LIN28B: variants seen among roughly 807,000 people sequenced by gnomAD.
LIN28B encodes protein lin-28 homolog B.
A neutral mutation model predicts 21.9 loss-of-function variants in LIN28B; 5 were observed. That is an observed-to-expected ratio of 0.23 (90% confidence interval 0.12 to 0.48). The LOEUF (loss-of-function observed/expected upper bound fraction) is 0.48, where lower values mean the gene tolerates loss of function less well. Among genes scored for constraint, LIN28B ranks in the 20% least tolerant of loss-of-function variants. The pLI is 0.98. For synonymous variants in LIN28B, 109 were observed against 111.3 expected (o/e 0.98, Z 0.13); for missense variants, 245 against 310.5 (o/e 0.79, Z 1.58).
intron 3 of LIN28B, among the ~76,000 whole-genome samples, chr6:105,049,199 G>C (rs756390622): frequency 1.3e-5 from 2 of 152,096 alleles, no homozygotes; most frequent in African/African-American, 4.8e-5. Flanking sequence ...TTGGTTTGTC[G>C]TGTCTTTGTT....
chr6:104,974,803 A>G (rs527520987), intron 2 of LIN28B, among the ~76,000 whole-genome samples: 1 of 151,356 alleles, frequency 6.6e-6, no homozygotes, highest in Non-Finnish European at 1.5e-5. Context: ...AATCAAGGAT[A>G]TTTTGAATTA....
At chr6:104,983,824 C>T (rs1409291098) in intron 2 of LIN28B, among the ~76,000 whole-genome samples, 1 of 152,184 alleles carries the variant, frequency 6.6e-6, no homozygotes, top group Non-Finnish European at 1.5e-5. Context: ...GATCCACTCA[C>T]CTCAGCCTCC....
intron 3 of LIN28B, among the ~76,000 whole-genome samples, chr6:105,044,519 C>T (rs1771702039): frequency 6.6e-6 from 1 of 151,968 alleles, no homozygotes; most frequent in Non-Finnish European, 1.5e-5. Flanking sequence ...ATTTGTGGTA[C>T]AGGAATCTCA....
intron 2 of LIN28B, among the ~76,000 whole-genome samples, chr6:104,975,844 T>C (rs1170649336): frequency 1.9e-4 from 28 of 149,498 alleles, no homozygotes; most frequent in East Asian, 5.9e-4. Context: ...TCTTCTTCTT[T>C]TTTTTTTTTT....
intron 3 of LIN28B, among the ~76,000 whole-genome samples, chr6:105,066,685 G>T (rs1772226352): frequency 1.3e-5 from 2 of 151,854 alleles, no homozygotes; most frequent in Admixed American, 6.6e-5. Context: ...TTTATATATT[G>T]TTTGGACATT....
At chr6:105,063,655 AGGT>A (rs2114405063) in intron 3 of LIN28B, among the ~76,000 whole-genome samples, 2 of 144,992 alleles carry the variant, frequency 1.4e-5, no homozygotes, top group African/African-American at 5.4e-5. Flanking sequence ...GGGGAAAAAA[AGGT>A]AAAGTAAAGG....
At chr6:105,016,817 G>A (rs926519125) in intron 2 of LIN28B, among the ~76,000 whole-genome samples, 3 of 152,046 alleles carry the variant, frequency 2.0e-5, no homozygotes, top group Non-Finnish European at 2.9e-5. Context: ...AGCCCTTCGC[G>A]AGGCTGAGTT....
chr6:104,974,423 A>T (rs1770043224), intron 2 of LIN28B, among the ~76,000 whole-genome samples: 1 of 149,048 alleles, frequency 6.7e-6, no homozygotes, highest in African/African-American at 2.5e-5. Flanking sequence ...TGGGAGGCGG[A>T]GGTTGCAGTG....
At chr6:105,019,316 A>G (rs1297424686) in intron 2 of LIN28B, among the ~76,000 whole-genome samples, 1 of 152,206 alleles carries the variant, frequency 6.6e-6, no homozygotes, top group Middle Eastern at 3.2e-3. Flanking sequence ...AATGAGGGAT[A>G]GGAATGATTT....
chr6:104,980,721 G>C (rs557411483), intron 2 of LIN28B, among the ~76,000 whole-genome samples: 1 of 151,906 alleles, frequency 6.6e-6, no homozygotes, highest in African/African-American at 2.4e-5. Flanking sequence ...CATATTTATT[G>C]GTGGTCACTC....
chr6:105,025,523 A>G (rs1043013001), intron 2 of LIN28B, among the ~76,000 whole-genome samples: 1 of 152,196 alleles, frequency 6.6e-6, no homozygotes, highest in African/African-American at 2.4e-5. Flanking sequence ...GCAGTAATGT[A>G]TATACCAGAA....
intron 2 of LIN28B, among the ~76,000 whole-genome samples, chr6:104,960,465 G>A (rs938310576): frequency 5.3e-5 from 8 of 152,010 alleles, no homozygotes; most frequent in East Asian, 1.9e-4. Context: ...CAGGTTTTAT[G>A]TCTATGTACT....
At chr6:105,075,312 T>G (rs191370613) in intron 3 of LIN28B, among the ~76,000 whole-genome samples, 102 of 152,264 alleles carry the variant, frequency 6.7e-4, no homozygotes, top group Non-Finnish European at 2.6e-4. Flanking sequence ...GGGACTAAAA[T>G]CATGTATAGC....
intron 3 of LIN28B, among the ~76,000 whole-genome samples, chr6:105,075,715 C>G (rs536649658): frequency 2.8e-4 from 43 of 152,196 alleles, no homozygotes; most frequent in Middle Eastern, 3.4e-3. Flanking sequence ...ATTGAAGATC[C>G]CATTTGTGAA....
intron 2 of LIN28B, among the ~76,000 whole-genome samples, chr6:105,019,238 G>C (rs572748963): frequency 6.6e-6 from 1 of 152,110 alleles, no homozygotes; most frequent in Non-Finnish European, 1.5e-5. Context: ...GTGAGCCACC[G>C]CGCCCATCTG....
chr6:105,047,652 A>C (rs1286606070), intron 3 of LIN28B, among the ~76,000 whole-genome samples: 1 of 152,204 alleles, frequency 6.6e-6, no homozygotes, highest in East Asian at 1.9e-4. Context: ...ATCCATGAGC[A>C]TGGAATGTTC....
At chr6:104,942,128 C>T (rs539338383) in intron 2 of LIN28B, among the ~76,000 whole-genome samples, 31 of 152,180 alleles carry the variant, frequency 2.0e-4, no homozygotes, top group African/African-American at 7.2e-4. Context: ...GATTTTTATA[C>T]CTATTATTGT....
intron 3 of LIN28B, among the ~76,000 whole-genome samples, chr6:105,053,702 TGTGTGTGGGTGC>T (rs1771959579): frequency 7.9e-6 from 1 of 126,002 alleles, no homozygotes; most frequent in Admixed American, 8.7e-5. Context: ...TTGTATGGTG[TGTGTGTGGGTGC>T]GTGTGTGTGT....
chr6:104,998,616 C>T (rs1325070739), intron 2 of LIN28B, among the ~76,000 whole-genome samples: 1 of 152,112 alleles, frequency 6.6e-6, no homozygotes, highest in Non-Finnish European at 1.5e-5. Flanking sequence ...AATCCAGTAT[C>T]ATTTATCATT....
Sources: gnomAD v4.1 joint callset for allele counts (sites outside exome capture counted in the v4.1 genomes callset) on GRCh38, gnomAD v4.1.1 for gene constraint, MANE v1.5 for transcripts, NCBI Gene and HGNC (gene_info 2026-07-23, HGNC 2026-07-21) for gene names.